AZIN2: variants seen among roughly 807,000 people sequenced by gnomAD.
AZIN2 encodes antizyme inhibitor 2, also known as ODC antizyme inhibitor-2.
In AZIN2, 28 loss-of-function variants were observed where a neutral mutation model predicts 47.8. That is an observed-to-expected ratio of 0.59 (90% CI 0.43 to 0.80). The LOEUF is 0.80. Among genes scored for constraint, AZIN2 ranks in the 30% least tolerant of loss-of-function variants. The pLI is 0.00. For missense variants in AZIN2, 535 were observed against 582.5 expected, an observed-to-expected ratio of 0.92 and a Z score of 0.84; for synonymous variants, 221 against 239.4, an observed-to-expected ratio of 0.92 and a Z score of 0.71.
chr1:33,139,895 C>T, the AZIN2 span, among the ~76,000 whole-genome samples: 1 of 152,154 alleles, frequency 6.6e-6, no homozygotes, highest in Non-Finnish European at 1.5e-5. Flanking sequence ...CATAATCTTT[C>T]CTCTGCTGCT....
chr1:33,109,723 T>C (rs1644202219), intron 10 of AZIN2, among the ~76,000 whole-genome samples: 2 of 152,120 alleles, frequency 1.3e-5, no homozygotes, highest in African/African-American at 4.8e-5. Flanking sequence ...TGTTGTGTGT[T>C]CTATTCTTTT....
the AZIN2 span, among the ~76,000 whole-genome samples, chr1:33,143,560 A>G: frequency 6.6e-6 from 1 of 152,108 alleles, no homozygotes; most frequent in East Asian, 1.9e-4. Flanking sequence ...ACCCCTGCCA[A>G]CAGCCCCTCT....
chr1:33,156,259 ACT>A, the AZIN2 span, among the ~76,000 whole-genome samples: 2 of 151,540 alleles, frequency 1.3e-5, no homozygotes, highest in Admixed American at 1.3e-4. Flanking sequence ...GCACTGCCAC[ACT>A]CTCTCTCCTT....
intron 10 of AZIN2, among the ~76,000 whole-genome samples, chr1:33,108,605 A>T (rs1644137200): frequency 3.3e-5 from 5 of 152,188 alleles, no homozygotes; most frequent in Admixed American, 2.6e-4. Flanking sequence ...GGCCTCCCAG[A>T]GTGCTGGGAT....
At chr1:33,166,081 T>C in the AZIN2 span, 1 of 152,268 alleles carries the variant, frequency 6.6e-6, no homozygotes. Context: ...CTCACAGGAG[T>C]GTGAACTGCA....
chr1:33,154,838 A>G, the AZIN2 span, among the ~76,000 whole-genome samples: 5 of 150,202 alleles, frequency 3.3e-5, no homozygotes, highest in Admixed American at 3.3e-4. Flanking sequence ...TCACGCCTGT[A>G]ATCCCAGCAC....
At chr1:33,155,994 C>T in the AZIN2 span, among the ~76,000 whole-genome samples, 2 of 152,182 alleles carry the variant, frequency 1.3e-5, no homozygotes, top group African/African-American at 4.8e-5. Flanking sequence ...AGAAGAGAAT[C>T]CCCCAAGCGC....
chr1:33,104,199 C>T (rs571580702), intron 10 of AZIN2, among the ~76,000 whole-genome samples: 160 of 152,188 alleles, frequency 1.1e-3, no homozygotes, highest in Middle Eastern at 3.4e-3. Context: ...TCTTTCATTT[C>T]TATGTCTTTG....
intron 10 of AZIN2, among the ~76,000 whole-genome samples, chr1:33,109,127 T>C (rs910305910): frequency 6.6e-6 from 1 of 152,220 alleles, no homozygotes; most frequent in Non-Finnish European, 1.5e-5. Context: ...ATATGTTTAT[T>C]TGCCATCTGT....
chr1:33,120,993 C>T lies in AZIN2; in HGVS notation c.*811C>T, dbSNP rs1644782323. On this transcript the variant is annotated 3_prime_UTR_variant, in exon 12 of 12. Transcript: ENST00000294517. ...AGACACCTGGTGGTCGCTTTTGCTTCTTTGGGCAGTGCCTGTTAGAACAGG... is the reference window on the plus strand; with the variant it reads ...AGACACCTGGTGGTCGCTTTTGCTTTTTTGGGCAGTGCCTGTTAGAACAGG... Among the ~76,000 whole-genome samples the T allele has an allele frequency of 6.6e-6, 1 of 152,158 alleles. No homozygotes were observed. The highest frequency in any genetic ancestry group is 1.5e-5 in the Non-Finnish European group (1 of 68,026).
At position 33,082,170 on chromosome 1, in the gene AZIN2, C is replaced by T. The variant is rs1240197538; in HGVS notation, c.-72-8C>T. 8.3e-7 allele frequency: 1 copy of T among 1,210,274 alleles called. No homozygotes were observed. Among genetic ancestry groups the T allele is most frequent in the African/African-American group, 1.5e-5 (1 of 66,476 alleles). The allele number at this position is 1,210,274 out of a possible 1,614,324, so 75.0% of individuals were successfully genotyped here. On this transcript the variant is annotated splice_region_variant and splice_polypyrimidine_tract_variant and intron_variant, in intron 3 of 11. Coordinates refer to ENST00000294517, the MANE Select transcript of AZIN2 (RefSeq NM_052998.4). The stretch of plus-strand genomic sequence containing the variant: ...CAGCGGTTCCCTTCATCTCCCCTCG[C>T]CCCGCAGTGTGTTGCATACTTTCTA...
At chr1:33,153,272 G>T in the AZIN2 span, among the ~76,000 whole-genome samples, 1 of 152,150 alleles carries the variant, frequency 6.6e-6, no homozygotes, top group African/African-American at 2.4e-5. Context: ...AAAGAAAGGG[G>T]CCCAGCCAAC....
chr1:33,108,144 A>G (rs1238948305), intron 10 of AZIN2, among the ~76,000 whole-genome samples: 1 of 152,204 alleles, frequency 6.6e-6, no homozygotes, highest in Non-Finnish European at 1.5e-5. Context: ...AGACCAGTGG[A>G]ATAGAATAGA....
intron 10 of AZIN2, among the ~76,000 whole-genome samples, chr1:33,112,299 C>T (rs1300616502): frequency 6.6e-6 from 1 of 151,906 alleles, no homozygotes; most frequent in East Asian, 1.9e-4. Flanking sequence ...CATGTGTGTT[C>T]GAGGAGATAT....
chr1:33,107,306 G>A (rs779876676), intron 10 of AZIN2, among the ~76,000 whole-genome samples: 8 of 151,566 alleles, frequency 5.3e-5, no homozygotes, highest in Admixed American at 2.6e-4. Flanking sequence ...AAAGGCCGGC[G>A]CAGTGGCTCA....
the AZIN2 span, chr1:33,165,892 G>A: frequency 5.0e-5 from 10 of 201,824 alleles, no homozygotes; most frequent in African/African-American, 2.1e-4. The surrounding 1 kb of genome is among the most constrained non-coding windows in gnomAD (Gnocchi z 4.0). Context: ...ATTAAGGCAG[G>A]GGTCTCCAAC....
At chr1:33,136,313 TTTC>T in the AZIN2 span, among the ~76,000 whole-genome samples, 3 of 147,080 alleles carry the variant, frequency 2.0e-5, no homozygotes, top group Non-Finnish European at 3.1e-5. Flanking sequence ...TCTTTCTTTC[TTTC>T]TTTTTCTTTC....
chr1:33,103,320 C>A (rs1162618025), intron 10 of AZIN2, among the ~76,000 whole-genome samples: 1 of 152,184 alleles, frequency 6.6e-6, no homozygotes, highest in African/African-American at 2.4e-5. Flanking sequence ...TCCCTGTTTT[C>A]AGCTCCACTT....
At position 33,122,451 on chromosome 1, in the gene AZIN2, T is replaced by C. The variant is rs183503158; in HGVS notation, c.*2269T>C. ...CTTGATGTGGCTTACTTGAGGATAA[T>C]AGTTAATAGTCATTTTTTCCCAGTT... On this transcript the variant is annotated 3_prime_UTR_variant, in exon 12 of 12. Transcript: ENST00000294517. Among the ~76,000 whole-genome samples, 7 of 152,302 alleles carry C rather than the reference T, an allele frequency of 4.6e-5. No homozygotes were observed. Among genetic ancestry groups the C allele is most frequent in the African/African-American group, 9.6e-5 (4 of 41,570 alleles).
Sources: allele counts gnomAD v4.1 joint callset (sites outside exome capture counted in the v4.1 genomes callset), GRCh38; gene constraint gnomAD v4.1.1; non-coding constraint Gnocchi (gnomAD v3.1); transcripts MANE v1.5; gene names NCBI Gene and HGNC (gene_info 2026-07-23, HGNC 2026-07-21).